SLC2A14: variants seen among roughly 807,000 people sequenced by gnomAD.
SLC2A14 encodes the protein solute carrier family 2 member 14.
A neutral mutation model predicts 43.0 loss-of-function variants in SLC2A14; 13 were observed. That is an observed-to-expected ratio of 0.30 (90% CI 0.20 to 0.48). The LOEUF (loss-of-function observed/expected upper bound fraction) is 0.48. SLC2A14 is among the 20% of genes least tolerant of loss of function. The pLI is 0.99. For missense variants in SLC2A14, 428 were observed against 620.4 expected, an observed-to-expected ratio of 0.69 and a Z score of 3.29; for synonymous variants, 190 against 233.8, an observed-to-expected ratio of 0.81 and a Z score of 1.71.
chr12:7,870,752 C>G, intron 1 of SLC2A14: 1 of 626,764 alleles, frequency 1.6e-6, no homozygotes, highest in Non-Finnish European at 2.1e-6. Context: ...AACCTCAGAA[C>G]TCTTTTAACT....
At chr12:7,870,457 G>A (rs1034715199) in intron 1 of SLC2A14, among the ~76,000 whole-genome samples, 1 of 152,090 alleles carries the variant, frequency 6.6e-6, no homozygotes, top group Non-Finnish European at 1.5e-5. Flanking sequence ...TACCAAATGT[G>A]AGTCTGTTTC....
chr12:7,870,913 A>G lies in SLC2A14; in HGVS notation c.-57-976T>C, dbSNP rs923354302. On this transcript the variant is annotated intron_variant, in intron 1 of 10. Transcript: ENST00000431042. ...AAGCGACCACAGCACAAGGGGCCAC[A>G]TCCAATGTCTTCGTGATGTTCGACC... 8.0e-5 allele frequency: 113 copies of G among 1,405,634 alleles called. 1 individual carries two copies. The Admixed American group carries it at 2.1e-3, about 26-fold the overall frequency. 87.1% of individuals were successfully genotyped at this position (1,405,634 alleles called of 1,614,324 possible). A position where few individuals can be genotyped will look rare whatever the true frequency, so the allele number is the denominator to read the frequency against.
intron 1 of SLC2A14, chr12:7,890,750 TG>T: frequency 3.7e-6 from 1 of 271,348 alleles, no homozygotes; most frequent in Non-Finnish European, 7.0e-6. Flanking sequence ...GAGCGGGGGA[TG>T]GGGGAATTCA....
At position 7,814,200 on chromosome 12, in the gene SLC2A14, A is replaced by G; in HGVS notation, c.*116T>C. 6.7e-7 allele frequency: 1 copy of G among 1,502,912 alleles called. No homozygotes were observed. Among genetic ancestry groups the G allele is most frequent in the Non-Finnish European group, 9.0e-7 (1 of 1,115,544 alleles). 93.1% of individuals were successfully genotyped at this position (1,502,912 alleles called of 1,614,324 possible). On this transcript the variant is annotated 3_prime_UTR_variant, in exon 11 of 11. Coordinates refer to ENST00000431042, the MANE Select transcript of SLC2A14 (RefSeq NM_001286234.2). ...TGCTCATGGAGTGCGTGGGATGAGA[A>G]AGAAATCAAGTAGCAGCATTCAGAA...
intron 2 of SLC2A14, among the ~76,000 whole-genome samples, chr12:7,834,776 C>G (rs1269877077): frequency 6.6e-6 from 1 of 152,070 alleles, no homozygotes; most frequent in Non-Finnish European, 1.5e-5. Context: ...CAAATGGCAC[C>G]TAGGAGGAAC....
intron 2 of SLC2A14, among the ~76,000 whole-genome samples, chr12:7,845,464 A>T (rs1866386604): frequency 6.6e-6 from 1 of 152,100 alleles, no homozygotes; most frequent in African/African-American, 2.4e-5. Context: ...CAACATCAGA[A>T]TCTCCCAGGA....
intron 10 of SLC2A14, among the ~76,000 whole-genome samples, chr12:7,814,950 C>A (rs978975899): frequency 1.3e-5 from 2 of 151,998 alleles, no homozygotes; most frequent in African/African-American, 4.8e-5. Flanking sequence ...CAGGTGCCCA[C>A]CAGCACGCCT....
intron 2 of SLC2A14, among the ~76,000 whole-genome samples, chr12:7,856,674 T>A (rs1867415394): frequency 6.6e-6 from 1 of 152,082 alleles, no homozygotes; most frequent in African/African-American, 2.4e-5. Context: ...CCCTACTTTA[T>A]CCAAGTGTGA....
intron 10 of SLC2A14, among the ~76,000 whole-genome samples, chr12:7,814,793 G>GTATTAT (rs755496466): frequency 3.3e-5 from 5 of 150,978 alleles, no homozygotes; most frequent in Admixed American, 1.3e-4. Context: ...GGACTTTTGA[G>GTATTAT]TATTATTATT....
At chr12:7,891,156 C>T (rs1169665746), upstream of SLC2A14, 3 of 1,527,170 alleles carry the variant, frequency 2.0e-6, no homozygotes, top group African/African-American at 1.4e-5. Flanking sequence ...TGTGTGGGAG[C>T]AAAGCCAGCT....
chr12:7,849,151 G>A (rs1038702618), intron 2 of SLC2A14, among the ~76,000 whole-genome samples: 13 of 151,734 alleles, frequency 8.6e-5, no homozygotes, highest in Admixed American at 5.3e-4. Context: ...CACTGCGCCC[G>A]CTTTCACTGA....
chr12:7,846,546 C>T (rs1866480286), intron 2 of SLC2A14, among the ~76,000 whole-genome samples: 1 of 151,698 alleles, frequency 6.6e-6, no homozygotes, highest in African/African-American at 2.4e-5. Flanking sequence ...TCATGTATCA[C>T]TTAAAGTATG....
intron 1 of SLC2A14, among the ~76,000 whole-genome samples, chr12:7,882,604 A>G (rs1380737925): frequency 6.6e-6 from 1 of 152,110 alleles, no homozygotes; most frequent in South Asian, 2.1e-4. Context: ...AGGCTGAGGC[A>G]GGCACGTGGA....
At chr12:7,828,442 G>A (rs60460232) in intron 6 of SLC2A14, among the ~76,000 whole-genome samples, 13,951 of 151,720 alleles carry the variant, frequency 0.092, 1,645 homozygotes, top group African/African-American at 0.26. Context: ...CACCTACTCC[G>A]GAGGCTGATG....
At chr12:7,838,892 A>G (rs191888503) in intron 2 of SLC2A14, among the ~76,000 whole-genome samples, 46 of 152,286 alleles carry the variant, frequency 3.0e-4, no homozygotes, top group African/African-American at 1.1e-3. Flanking sequence ...GTGGGGCTCT[A>G]GTCCAATAGG....
chr12:7,880,733 G>A (rs978869928), intron 1 of SLC2A14, among the ~76,000 whole-genome samples: 6 of 151,046 alleles, frequency 4.0e-5, no homozygotes, highest in African/African-American at 7.3e-5. Context: ...TTGGCCGGGC[G>A]CAGTGGCTCA....
intron 1 of SLC2A14, chr12:7,871,020 C>G (rs1422138293): frequency 2.8e-6 from 4 of 1,434,042 alleles, no homozygotes; most frequent in Non-Finnish European, 3.8e-6. Context: ...GGGGACAGCA[C>G]GACAAGCTGG....
chr12:7,857,034 G>A (rs12821197), intron 2 of SLC2A14, among the ~76,000 whole-genome samples: 15,747 of 145,434 alleles, frequency 0.11, 910 homozygotes, highest in African/African-American at 0.16. Context: ...GGCGGATCAC[G>A]AGGTCAAGAG....
chr12:7,842,821 C>T (rs1048191800), intron 2 of SLC2A14, among the ~76,000 whole-genome samples: 9 of 151,836 alleles, frequency 5.9e-5, no homozygotes, highest in Admixed American at 1.3e-4. Flanking sequence ...CTCCGCCTCC[C>T]GCGTTCAAGT....
Sources: allele counts gnomAD v4.1 joint callset (sites outside exome capture counted in the v4.1 genomes callset), GRCh38; gene constraint gnomAD v4.1.1; transcripts MANE v1.5; gene names NCBI Gene and HGNC (gene_info 2026-07-23, HGNC 2026-07-21).